The following DHX32 variants were observed in gnomAD, a reference collection of about 807,000 sequenced individuals.
DHX32 encodes the protein putative pre-mRNA-splicing factor ATP-dependent RNA helicase DHX32.
A neutral mutation model predicts 70.0 loss-of-function variants in DHX32; 51 were observed. The observed-to-expected ratio is 0.73, with a 90% CI of 0.58 to 0.92. The LOEUF (loss-of-function observed/expected upper bound fraction) is 0.92. Ranked by LOEUF, DHX32 falls within the 40% of genes least tolerant of loss-of-function variation. The pLI is 0.00. For missense variants in DHX32, 762 were observed against 891.8 expected (o/e 0.85, Z 1.85); for synonymous variants, 310 against 315.3 (o/e 0.98, Z 0.18).
intron 8 of DHX32, among the ~76,000 whole-genome samples, chr10:125,840,509 G>A (rs1180426595): frequency 6.6e-6 from 1 of 152,262 alleles, no homozygotes; most frequent in Non-Finnish European, 1.5e-5. Context: ...GCACGTAGAG[G>A]TGGCTGTTCT....
intron 7 of DHX32, chr10:125,841,280 G>C: frequency 6.2e-7 from 1 of 1,614,080 alleles, no homozygotes; most frequent in South Asian, 1.1e-5. Context: ...GAGGTGCTTG[G>C]AGGTCCAGAC....
intron 1 of DHX32, 74 bp downstream of exon 1, chr10:125,880,469 G>A: frequency 6.9e-7 from 1 of 1,447,722 alleles, no homozygotes. Flanking sequence ...AGAACACTAG[G>A]CTGTGACATG....
At chr10:125,845,210 G>A (rs1192913829) in intron 6 of DHX32, among the ~76,000 whole-genome samples, 2 of 152,200 alleles carry the variant, frequency 1.3e-5, no homozygotes, top group African/African-American at 4.8e-5. Flanking sequence ...TCTTATAGAT[G>A]TCAGATGGTA....
chr10:125,843,619 A>T (rs1854939782), intron 6 of DHX32, among the ~76,000 whole-genome samples: 1 of 152,132 alleles, frequency 6.6e-6, no homozygotes, highest in Non-Finnish European at 1.5e-5. Flanking sequence ...CTCAAAAAAA[A>T]AAAAACCTAC....
At chr10:125,877,986 A>G (rs986092859) in intron 1 of DHX32, among the ~76,000 whole-genome samples, 2 of 152,240 alleles carry the variant, frequency 1.3e-5, no homozygotes, top group Non-Finnish European at 2.9e-5. Context: ...TAATTCTTAC[A>G]TCGCGAGAAT....
chr10:125,838,512 CAT>C, intron 9 of DHX32, 125 bp from the exon 10 acceptor site: 1 of 891,820 alleles, frequency 1.1e-6, no homozygotes, highest in African/African-American at 1.7e-5. Flanking sequence ...GTTTGCCACT[CAT>C]GTTTCCTACT....
intron 1 of DHX32, among the ~76,000 whole-genome samples, chr10:125,867,735 CAAAA>C (rs1255031059): frequency 5.3e-5 from 3 of 56,480 alleles, no homozygotes; most frequent in South Asian, 5.7e-4. Flanking sequence ...GACTCCGTCT[CAAAA>C]AAAAAAAAAA....
Position 125,852,302 on chromosome 10 carries a change from T to C in DHX32, c.1342A>G (p.Asn448Asp). The C allele has an allele frequency of 1.2e-6, 2 of 1,614,086 alleles. No individual in the cohort carries two copies. The highest frequency in any genetic ancestry group is 1.7e-6 in the Non-Finnish European group (2 of 1,180,004). ...IAGLGHCDFMNRPAPESLMQA... is the reference protein window; with the variant it reads ...IAGLGHCDFMDRPAPESLMQA... ...GGGAGCATAAGGCTACCTGGTCTGT[T>C]CATGAAGTCACAGTGGCCTAGGCCC... The change falls in exon 6 of 11, where the codon AAC (asparagine) becomes GAC (aspartate). Residue 448 changes from asparagine to aspartate, a missense_variant. Asn to Asp is a conservative substitution (Grantham distance 23). Around this residue, in one of 3 missense-constraint regions of DHX32, gnomAD observed 366 missense variants for 402.6 expected, o/e 0.91. Coordinates refer to ENST00000284690, the MANE Select transcript of DHX32 (RefSeq NM_018180.3).
intron 6 of DHX32, among the ~76,000 whole-genome samples, chr10:125,845,855 C>T (rs1328159880): frequency 1.3e-5 from 2 of 152,228 alleles, no homozygotes; most frequent in Non-Finnish European, 2.9e-5. Flanking sequence ...CTCCTCCGAG[C>T]TTAGCTGTGC....
At chr10:125,872,908 A>G (rs1944263676) in intron 1 of DHX32, among the ~76,000 whole-genome samples, 1 of 152,210 alleles carries the variant, frequency 6.6e-6, no homozygotes, top group African/African-American at 2.4e-5. Context: ...TCAAAATCTA[A>G]TCTAAATCAA....
At chr10:125,858,362 A>G (rs1944161773) in intron 3 of DHX32, among the ~76,000 whole-genome samples, 2 of 152,210 alleles carry the variant, frequency 1.3e-5, no homozygotes, top group Non-Finnish European at 1.5e-5. Flanking sequence ...ACTTTCTTGA[A>G]TATCTTGAAT....
At chr10:125,889,584 C>T (rs1414848137) in intron 1 of DHX32, among the ~76,000 whole-genome samples, 13 of 152,390 alleles carry the variant, frequency 8.5e-5, no homozygotes, top group African/African-American at 2.9e-4. Flanking sequence ...GTCAGCTGAA[C>T]AGTAATCAGT....
chr10:125,860,503 A>G (rs1165409794), intron 2 of DHX32, among the ~76,000 whole-genome samples: 1 of 152,194 alleles, frequency 6.6e-6, no homozygotes, highest in African/African-American at 2.4e-5. Context: ...TATCATTAAG[A>G]TGTCATCCAA....
intron 1 of DHX32, among the ~76,000 whole-genome samples, chr10:125,880,137 C>T (rs1484731092): frequency 6.6e-6 from 1 of 152,188 alleles, no homozygotes; most frequent in East Asian, 1.9e-4. Context: ...CCAGCAAGCA[C>T]ATCCACATAT....
chr10:125,874,027 T>G (rs1944270448), intron 1 of DHX32, among the ~76,000 whole-genome samples: 1 of 152,200 alleles, frequency 6.6e-6, no homozygotes, highest in Non-Finnish European at 1.5e-5. Context: ...AAATATACAC[T>G]TCTAGAGATG....
chr10:125,877,455 G>T (rs1280699962), intron 1 of DHX32, among the ~76,000 whole-genome samples: 1 of 152,130 alleles, frequency 6.6e-6, no homozygotes, highest in Non-Finnish European at 1.5e-5. Context: ...GGGAGGTGAA[G>T]GTGGGAGGAT....
Position 125,880,947 on chromosome 10 carries a change from T to G in DHX32, c.-123A>C. On this transcript the variant is annotated 5_prime_UTR_variant, in exon 1 of 11. Transcript: ENST00000284690. ...ACCCGTATGTTCCAATCTCTAAGAC[T>G]TCAGTTCAAGGTTTTAGCAAGTTAA... 2 of 1,209,074 alleles carry G rather than the reference T, an allele frequency of 1.7e-6. No individual in the cohort carries two copies. Among genetic ancestry groups the G allele is most frequent in the Non-Finnish European group, 1.1e-6 (1 of 870,144 alleles). The allele number at this position is 1,209,074 out of a possible 1,614,324, so 74.9% of individuals were successfully genotyped here.
At chr10:125,889,911 G>T (rs1944359887) in intron 1 of DHX32, among the ~76,000 whole-genome samples, 1 of 152,374 alleles carries the variant, frequency 6.6e-6, no homozygotes, top group African/African-American at 2.4e-5. Flanking sequence ...ACCTTCAGAG[G>T]TTTAATTTAT....
At chr10:125,890,914 A>T (rs568110729) in intron 1 of DHX32, among the ~76,000 whole-genome samples, 1 of 152,216 alleles carries the variant, frequency 6.6e-6, no homozygotes, top group South Asian at 2.1e-4. Flanking sequence ...CACTTAAAAA[A>T]TAGAGGTCAC....
Sources: gnomAD v4.1 joint callset for allele counts (sites outside exome capture counted in the v4.1 genomes callset) on GRCh38, gnomAD v4.1.1 for gene constraint, gnomAD v4.1.1 regional missense constraint, MANE v1.5 for transcripts, NCBI Gene and HGNC (gene_info 2026-07-23, HGNC 2026-07-21) for gene names.